Variants in SOD2 observed in about 807,000 individuals in gnomAD.
SOD2 encodes the protein superoxide dismutase 2, also known as superoxide dismutase [Mn], mitochondrial.
In SOD2, 11 loss-of-function variants were observed where a neutral mutation model predicts 27.0. The ratio of observed to expected loss-of-function variants is 0.41; its 90% CI spans 0.26 to 0.67. The LOEUF (loss-of-function observed/expected upper bound fraction) is 0.67. Ranked by LOEUF, SOD2 falls within the 30% of genes least tolerant of loss-of-function variation. The probability of loss-of-function intolerance (pLI) is 0.34; values close to 1 mark genes in which losing one functional copy is unlikely to be tolerated. For synonymous variants in SOD2, 105 were observed against 103.0 expected, an observed-to-expected ratio of 1.02 and a Z score of -0.12; for missense variants, 250 against 274.5, an observed-to-expected ratio of 0.91 and a Z score of 0.63.
At chr6:159,709,477 A>C (rs1583035223) in intron 1 of SOD2, among the ~76,000 whole-genome samples, 1 of 152,368 alleles carries the variant, frequency 6.6e-6, no homozygotes. Context: ...GACACTCCCC[A>C]AAAGAAGACA....
At chr6:159,688,382 C>A (rs1029093917) in intron 2 of SOD2, 140 bp from the exon 3 acceptor site, 21 of 576,620 alleles carry the variant, frequency 3.6e-5, no homozygotes, top group African/African-American at 3.3e-4. Context: ...AAATTCAGCA[C>A]CCCCCCGCCC....
intron 1 of SOD2, among the ~76,000 whole-genome samples, chr6:159,733,931 A>G (rs1583069468): frequency 6.6e-6 from 1 of 152,322 alleles, no homozygotes; most frequent in Admixed American, 6.5e-5. Flanking sequence ...AAAAAAGATT[A>G]AACAGAGAAA....
intron 1 of SOD2, chr6:159,736,399 CTTAT>C (rs1778919571): frequency 1.1e-6 from 1 of 929,942 alleles, no homozygotes; most frequent in South Asian, 1.5e-5. Flanking sequence ...TCGTTGTTTG[CTTAT>C]TTTTCATTTC....
intron 2 of SOD2, chr6:159,692,270 C>T: frequency 1.6e-6 from 1 of 620,502 alleles, no homozygotes; most frequent in Non-Finnish European, 2.3e-6. Context: ...CCTGAGAGAC[C>T]AAACATTTCC....
rs376398472 is a variant in SOD2, at chr6:159,684,953, C to A, written c.424G>T (p.Val142Phe). 7 of 1,613,614 alleles carry A rather than the reference C, an allele frequency of 4.3e-6. No homozygotes were observed. Among genetic ancestry groups the A allele is most frequent in the Non-Finnish European group, 5.9e-6 (7 of 1,179,856 alleles). Residue 142 changes from valine to phenylalanine, a missense_variant, in exon 4 of 5, where the codon GTC becomes TTC. Val to Phe is a conservative substitution (Grantham distance 50). Coordinates refer to ENST00000538183, the MANE Select transcript of SOD2 (RefSeq NM_000636.4). ...KEKLTAASVGVQGSGWGWLGF... is the reference protein window; with the variant it reads ...KEKLTAASVGFQGSGWGWLGF... The stretch of plus-strand genomic sequence containing the variant: ...AGCCAACCCCAACCTGAGCCTTGGA[C>A]ACCAACAGATGCAGCCGTCAGCTTC...
Position 159,720,847 on chromosome 6 carries a change from C to CTTTTTT in SOD2, c.-116+6276_-116+6281dup, listed in dbSNP as rs763455003. ...CACTATACAGGTGTATTTTCTTTAC[C>CTTTTTT]TTTTTTTTTTTTTTTTTTTTTTTTT... is the stretch of plus-strand genomic sequence containing the variant. On this transcript the variant is annotated intron_variant, in intron 1 of 2. Transcript: ENST00000401980. Among the ~76,000 whole-genome samples the CTTTTTT allele has an allele frequency of 2.3e-3, 136 of 59,960 alleles. 33 individuals are homozygous for CTTTTTT. Among genetic ancestry groups the CTTTTTT allele is most frequent in the African/African-American group, 6.7e-3 (104 of 15,486 alleles). 39.3% of individuals were successfully genotyped at this position (59,960 alleles called of 152,430 possible). A position where few individuals can be genotyped will look rare whatever the true frequency, so the allele number is the denominator to read the frequency against.
At chr6:159,685,203 T>A (rs4523113) in intron 3 of SOD2, among the ~76,000 whole-genome samples, 170 bp from the exon 4 acceptor site, 31,579 of 147,620 alleles carry the variant, frequency 0.21, 3,603 homozygotes, top group East Asian at 0.39. Flanking sequence ...CACGTTTTTG[T>A]TTTTTATAAC....
chr6:159,710,539 C>G lies in SOD2; in HGVS notation c.-116+16590G>C, dbSNP rs563363384. Among the ~76,000 whole-genome samples, 362 of 152,258 alleles carry G rather than the reference C, an allele frequency of 2.4e-3. 2 individuals are homozygous for G. Among genetic ancestry groups the G allele is most frequent in the African/African-American group, 7.3e-3 (303 of 41,530 alleles). On this transcript the variant is annotated intron_variant, in intron 1 of 2. Transcript: ENST00000401980. ...TCATTTACCCATTATACGGGATATA[C>G]TAGACATCCCTCCCATTCTATTCAA... is the stretch of plus-strand genomic sequence containing the variant.
intron 1 of SOD2, among the ~76,000 whole-genome samples, chr6:159,719,306 C>T (rs550193332): frequency 1.3e-4 from 20 of 152,182 alleles, no homozygotes; most frequent in African/African-American, 4.6e-4. Context: ...AGGTGGATCA[C>T]GAGGTCAGGA....
intron 1 of SOD2, chr6:159,736,162 C>T: frequency 1.7e-6 from 2 of 1,153,342 alleles, no homozygotes; most frequent in Non-Finnish European, 2.5e-6. Context: ...TAATTTAGTT[C>T]ACTAATAAAT....
chr6:159,741,812 A>AC (rs1403667180), intron 1 of SOD2: 50 of 284,214 alleles, frequency 1.8e-4, no homozygotes, highest in Middle Eastern at 1.2e-3. Flanking sequence ...ACGTAGTGAG[A>AC]CCCCATCTCT....
intron 1 of SOD2, among the ~76,000 whole-genome samples, chr6:159,699,536 C>G (rs1000887023): frequency 1.3e-5 from 2 of 151,998 alleles, no homozygotes; most frequent in African/African-American, 4.8e-5. Context: ...TGGACACCAC[C>G]TCTTCCCCAT....
chr6:159,673,906 T>C lies in SOD2; in HGVS notation c.*8587A>G, dbSNP rs1779721629. On this transcript the variant is annotated 3_prime_UTR_variant, in exon 5 of 5. Coordinates refer to ENST00000538183, the MANE Select transcript of SOD2 (RefSeq NM_000636.4). ...ATCAAATAAATGCAATAAAAAATGA[T>C]AAAGTGGATATCACCACCAATCCCA... 6.6e-6 allele frequency: 1 copy of C among 152,056 alleles called. No individual in the cohort carries two copies. The highest frequency in any genetic ancestry group is 1.5e-5 in the Non-Finnish European group (1 of 68,012). 9.4% of individuals were successfully genotyped at this position (152,056 alleles called of 1,614,324 possible).
chr6:159,703,025 T>A (rs555462007), intron 1 of SOD2, among the ~76,000 whole-genome samples: 2 of 150,368 alleles, frequency 1.3e-5, no homozygotes, highest in Admixed American at 1.3e-4. Flanking sequence ...TTAAAAAAAA[T>A]GGCTTCCGGC....
At chr6:159,692,533 G>C (rs1196635184) in intron 2 of SOD2, 128 bp downstream of exon 2, 51 of 1,493,546 alleles carry the variant, frequency 3.4e-5, no homozygotes, top group Non-Finnish European at 4.2e-5. Flanking sequence ...TATCGTGCCT[G>C]GAAAACTCGG....
intron 1 of SOD2, chr6:159,712,759 T>C: frequency 2.1e-6 from 1 of 481,348 alleles, no homozygotes; most frequent in East Asian, 5.4e-5. Flanking sequence ...CATAACCACC[T>C]CCACAACCAC....
At chr6:159,736,257 G>T in intron 1 of SOD2, 2 of 1,590,268 alleles carry the variant, frequency 1.3e-6, no homozygotes, top group Non-Finnish European at 1.7e-6. Context: ...TTTTTTTTTA[G>T]GATTCAAGAT....
chr6:159,717,607 ATTGT>A (rs1274948867), intron 1 of SOD2, among the ~76,000 whole-genome samples: 2 of 152,218 alleles, frequency 1.3e-5, no homozygotes, highest in African/African-American at 4.8e-5. Context: ...TATACAATAA[ATTGT>A]TTGTTATTAT....
chr6:159,717,496 T>C (rs1777941839), intron 1 of SOD2, among the ~76,000 whole-genome samples: 2 of 152,222 alleles, frequency 1.3e-5, no homozygotes, highest in Admixed American at 6.5e-5. Flanking sequence ...ATGTATACAA[T>C]GTGTAGTGAT....
Sources: gnomAD v4.1 joint callset for allele counts (sites outside exome capture counted in the v4.1 genomes callset) on GRCh38, gnomAD v4.1.1 for gene constraint, MANE v1.5 for transcripts, NCBI Gene and HGNC (gene_info 2026-07-23, HGNC 2026-07-21) for gene names.